Variants in THSD7A observed in about 807,000 individuals in gnomAD.
THSD7A encodes thrombospondin type-1 domain-containing protein 7A.
THSD7A carries 96 observed loss-of-function variants against 231.3 expected under a neutral mutation model. The ratio of observed to expected loss-of-function variants is 0.41; its 90% CI spans 0.35 to 0.49. The LOEUF is 0.49. THSD7A is among the 20% of genes least tolerant of loss of function. THSD7A has a pLI of 0.05. For missense variants in THSD7A, 2,290 were observed against 2,070.2 expected (o/e 1.11, Z -2.06); for synonymous variants, 940 against 743.3 (o/e 1.26, Z -4.30).
chr7:11,478,277 T>G (rs1786278369), intron 7 of THSD7A, among the ~76,000 whole-genome samples: 1 of 152,196 alleles, frequency 6.6e-6, no homozygotes, highest in Non-Finnish European at 1.5e-5. Context: ...GCTGGCCACC[T>G]TGATGCTGGA....
chr7:11,424,966 G>A, intron 15 of THSD7A, 137 bp from the exon 16 acceptor site: 1 of 1,067,382 alleles, frequency 9.4e-7, no homozygotes, highest in Non-Finnish European at 1.3e-6. Flanking sequence ...TTCTAACATT[G>A]CAATAGAGAG....
chr7:11,488,204 G>C (rs1402301999), intron 6 of THSD7A, among the ~76,000 whole-genome samples: 1 of 152,014 alleles, frequency 6.6e-6, no homozygotes, highest in Non-Finnish European at 1.5e-5. Context: ...TTATTACTGA[G>C]TTTTTGATAT....
chr7:11,400,217 G>A (rs1783351237), intron 23 of THSD7A, among the ~76,000 whole-genome samples: 1 of 151,012 alleles, frequency 6.6e-6, no homozygotes, highest in Admixed American at 6.6e-5. Flanking sequence ...TGTAAATGAC[G>A]AGTTAATGGG....
chr7:11,603,425 T>A (rs1429979597), intron 2 of THSD7A, among the ~76,000 whole-genome samples: 1 of 152,120 alleles, frequency 6.6e-6, no homozygotes, highest in South Asian at 2.1e-4. Context: ...TTTACACTGT[T>A]GGTGGGACTG....
At chr7:11,789,802 T>C (rs899556825) in intron 1 of THSD7A, among the ~76,000 whole-genome samples, 2 of 152,022 alleles carry the variant, frequency 1.3e-5, no homozygotes, top group African/African-American at 2.4e-5. Context: ...TAAATCATCA[T>C]GCATCTGTAC....
intron 6 of THSD7A, among the ~76,000 whole-genome samples, chr7:11,511,133 C>T (rs574263583): frequency 1.3e-5 from 2 of 152,198 alleles, no homozygotes; most frequent in Non-Finnish European, 2.9e-5. Flanking sequence ...TTCCTATACG[C>T]CAATAACAGA....
chr7:11,557,483 A>G (rs1200797410), intron 4 of THSD7A, among the ~76,000 whole-genome samples: 5 of 151,932 alleles, frequency 3.3e-5, no homozygotes, highest in African/African-American at 1.2e-4. Context: ...TTTTCGTTGA[A>G]TCTGGTAACT....
intron 6 of THSD7A, among the ~76,000 whole-genome samples, chr7:11,506,213 G>A (rs528980515): frequency 2.0e-5 from 3 of 152,178 alleles, no homozygotes; most frequent in Non-Finnish European, 2.9e-5. Context: ...TGATGGTTTC[G>A]ATCTCCTGAC....
In THSD7A at chr7:11,415,777, T is replaced by C. The variant is rs117351872; in HGVS notation, c.3537+1673A>G. Reference sequence around the variant, plus strand: ...AAACCTCCTTGCTTTTTCCCAGATGTGTCCTAAAGCTGGCTTATTAAACTT... The same window carrying C: ...AAACCTCCTTGCTTTTTCCCAGATGCGTCCTAAAGCTGGCTTATTAAACTT... On this transcript the variant is annotated intron_variant, in intron 17 of 27. Transcript: ENST00000423059. Among the ~76,000 whole-genome samples, 5 of 152,340 alleles carry C rather than the reference T, an allele frequency of 3.3e-5. No individual in the cohort carries two copies. In the East Asian group the frequency reaches 9.6e-4, roughly 29 times the overall value.
intron 1 of THSD7A, among the ~76,000 whole-genome samples, chr7:11,664,857 T>A (rs4721001): frequency 6.6e-6 from 1 of 151,726 alleles, no homozygotes; most frequent in Non-Finnish European, 1.5e-5. Flanking sequence ...GTCACATTTT[T>A]GTTTTTCCTT....
chr7:11,423,369 G>A (rs1784214008), intron 16 of THSD7A, among the ~76,000 whole-genome samples: 2 of 107,896 alleles, frequency 1.9e-5, no homozygotes, highest in African/African-American at 8.0e-5. Context: ...CCGAGTGCTG[G>A]ATTTTTTTTT....
intron 6 of THSD7A, among the ~76,000 whole-genome samples, chr7:11,491,630 A>G (rs1786898355): frequency 6.6e-6 from 1 of 152,142 alleles, no homozygotes; most frequent in South Asian, 2.1e-4. Flanking sequence ...ATTATATATC[A>G]TAGTCATTTG....
Position 11,375,589 on chromosome 7 carries a change from A to G in THSD7A, c.*205T>C. On this transcript the variant is annotated 3_prime_UTR_variant, in exon 28 of 28. Coordinates refer to ENST00000423059, the MANE Select transcript of THSD7A (RefSeq NM_015204.3). ...CATGTATTCAGCTAAATCTCCTATA[A>G]TTCTCACGGTTGATGGTCTGTATAT... is the stretch of plus-strand genomic sequence containing the variant. The G allele has an allele frequency of 2.5e-6, 1 of 396,298 alleles. No homozygotes were observed. 24.5% of individuals were successfully genotyped at this position (396,298 alleles called of 1,614,324 possible).
chr7:11,728,598 T>C (rs1235409996), intron 1 of THSD7A, among the ~76,000 whole-genome samples: 2 of 151,856 alleles, frequency 1.3e-5, no homozygotes, highest in Admixed American at 6.6e-5. Flanking sequence ...TAATGAGAAA[T>C]TGATAAAAAA....
At chr7:11,677,225 T>G (rs1468774853) in intron 1 of THSD7A, among the ~76,000 whole-genome samples, 1 of 152,078 alleles carries the variant, frequency 6.6e-6, no homozygotes, top group East Asian at 1.9e-4. Flanking sequence ...GCTGAGGGAT[T>G]TTGTCATGAC....
intron 1 of THSD7A, among the ~76,000 whole-genome samples, chr7:11,729,348 T>A (rs1526559): frequency 0.41 from 62,834 of 151,434 alleles, 13,562 homozygotes; most frequent in African/African-American, 0.54. Context: ...TTACTGTTAG[T>A]GTAGCCACTG....
chr7:11,470,817 A>G (rs905907147), intron 8 of THSD7A, among the ~76,000 whole-genome samples: 1 of 151,896 alleles, frequency 6.6e-6, no homozygotes. Flanking sequence ...AACAGCAAAA[A>G]TATATTATTT....
At chr7:11,562,026 T>C (rs920219351) in intron 4 of THSD7A, among the ~76,000 whole-genome samples, 4 of 152,180 alleles carry the variant, frequency 2.6e-5, no homozygotes, top group Admixed American at 2.0e-4. Context: ...CCTGGAAGTC[T>C]AGTACAGGGA....
intron 1 of THSD7A, among the ~76,000 whole-genome samples, chr7:11,726,179 TGCAGCACTGAATGATACAGTCGATTTTG>T (rs1562508125): frequency 1.3e-5 from 2 of 152,140 alleles, no homozygotes; most frequent in East Asian, 3.9e-4. Context: ...GGCAAAGTTA[TGCAGCACTGAATGATACAGTCGATTTTG>T]GCAGCTGGAA....
Sources: gnomAD v4.1 joint callset for allele counts (sites outside exome capture counted in the v4.1 genomes callset) on GRCh38, gnomAD v4.1.1 for gene constraint, MANE v1.5 for transcripts, NCBI Gene and HGNC (gene_info 2026-07-23, HGNC 2026-07-21) for gene names.